The following CUX2 variants were observed in gnomAD, a reference collection of about 807,000 sequenced individuals.
CUX2 encodes the protein homeobox protein cut-like 2.
Under a neutral mutation model 144.8 loss-of-function variants are expected in CUX2, and 40 were observed. The observed-to-expected ratio is 0.28, with a 90% CI of 0.21 to 0.36. CUX2 has a LOEUF of 0.36. CUX2 is among the 10% of genes least tolerant of loss of function. CUX2 has a pLI of 1.00. For missense variants in CUX2, 1,615 were observed against 1,994.0 expected (o/e 0.81, Z 3.62); for synonymous variants, 827 against 875.6 (o/e 0.94, Z 0.98).
rs77168455 is a variant in CUX2, at chr12:111,144,256, T to C, written c.64-69944T>C. The stretch of plus-strand genomic sequence containing the variant: ...CAATTATTGACTCACTGGTTTCCCA[T>C]TGGGCATGAGAGGCTTAACTGAGCA... On this transcript the variant is annotated intron_variant, in intron 1 of 21. Coordinates refer to ENST00000261726, the MANE Select transcript of CUX2 (RefSeq NM_015267.4). 2.3e-3 allele frequency among the ~76,000 whole-genome samples: 345 copies of C among 152,348 alleles called. 10 individuals carry two copies. The South Asian group carries it at 0.038, about 17-fold the overall frequency.
intron 1 of CUX2, among the ~76,000 whole-genome samples, chr12:111,040,738 C>A (rs981160343): frequency 1.3e-5 from 2 of 152,202 alleles, no homozygotes; most frequent in Admixed American, 6.5e-5. Flanking sequence ...ATGGGGCCAA[C>A]CTTTTTCTAT....
chr12:111,283,354 C>T (rs1019016555), intron 4 of CUX2, among the ~76,000 whole-genome samples: 1 of 152,138 alleles, frequency 6.6e-6, no homozygotes, highest in Non-Finnish European at 1.5e-5. Flanking sequence ...AGGACTACCC[C>T]CGCCGTGCTC....
At chr12:111,308,002 G>A (rs1886685333) in intron 12 of CUX2, among the ~76,000 whole-genome samples, 3 of 152,118 alleles carry the variant, frequency 2.0e-5, no homozygotes. Context: ...ACCATACAAG[G>A]GAACTTATTA....
At position 111,320,873 on chromosome 12, in the gene CUX2, A is replaced by C. The variant is rs1592964482; in HGVS notation, c.2766+98A>C. 1 of 1,292,856 alleles carries C rather than the reference A, an allele frequency of 7.7e-7. No individual in the cohort carries two copies. Among genetic ancestry groups the C allele is most frequent in the Non-Finnish European group, 1.0e-6 (1 of 991,346 alleles). 80.1% of individuals were successfully genotyped at this position (1,292,856 alleles called of 1,614,324 possible). A position where few individuals can be genotyped will look rare whatever the true frequency, so the allele number is the denominator to read the frequency against. The stretch of plus-strand genomic sequence containing the variant: ...CAGGCTGGCGGGACCCCAGGGGCCC[A>C]GGCCCTTCATTCCTGAGTCCTGCTG... On this transcript the variant is annotated intron_variant, in intron 17 of 21. Coordinates refer to ENST00000261726, the MANE Select transcript of CUX2 (RefSeq NM_015267.4). The surrounding 1 kb of genome is among the most constrained non-coding windows in gnomAD (Gnocchi z 8.1).
chr12:111,151,586 G>A (rs910466985), intron 1 of CUX2, among the ~76,000 whole-genome samples: 12 of 152,192 alleles, frequency 7.9e-5, no homozygotes, highest in Admixed American at 4.6e-4. Context: ...TACTGAATGC[G>A]TGGAGGGCAG....
In CUX2 at chr12:111,322,472, C is replaced by T. The variant is rs776796087; in HGVS notation, c.2818C>T (p.Pro940Ser). 1 of 1,593,956 alleles carries T rather than the reference C, an allele frequency of 6.3e-7. No homozygotes were observed. Among genetic ancestry groups the T allele is most frequent in the South Asian group, 1.1e-5 (1 of 87,650 alleles). ...SVSDMLSRPK[P>S]WSKLTQKGRE... ...GAGCGACATGCTGTCCCGGCCGAAG[C>T]CATGGAGCAAGCTGACGCAGAAGGG... is the stretch of plus-strand genomic sequence containing the variant. The change falls in exon 18 of 22, where the codon CCA (proline) becomes TCA (serine). Residue 940 changes from proline to serine, a missense_variant. By Grantham distance (74) the Pro-to-Ser change is moderately conservative (BLOSUM62 -1). Around this residue, in one of 12 missense-constraint regions of CUX2, gnomAD observed 17 missense variants for 68.7 expected, o/e 0.25. Coordinates refer to ENST00000261726, the MANE Select transcript of CUX2 (RefSeq NM_015267.4). The surrounding 1 kb of genome is among the most constrained non-coding windows in gnomAD (Gnocchi z 4.2).
intron 1 of CUX2, among the ~76,000 whole-genome samples, chr12:111,137,735 G>A (rs1233493973): frequency 1.3e-5 from 2 of 152,004 alleles, no homozygotes; most frequent in Admixed American, 6.6e-5. Flanking sequence ...AGCTGGCCTC[G>A]AACTTCTGGC....
At chr12:111,073,934 G>A (rs1871377343) in intron 1 of CUX2, among the ~76,000 whole-genome samples, 1 of 151,700 alleles carries the variant, frequency 6.6e-6, no homozygotes, top group Non-Finnish European at 1.5e-5. Flanking sequence ...CCAGCCTGGG[G>A]GACAGAGGGA....
intron 1 of CUX2, among the ~76,000 whole-genome samples, chr12:111,207,629 C>T (rs1450092499): frequency 6.6e-6 from 1 of 152,166 alleles, no homozygotes; most frequent in African/African-American, 2.4e-5. Context: ...ACCATCACTT[C>T]ACATACATAT....
intron 1 of CUX2, among the ~76,000 whole-genome samples, chr12:111,129,618 G>A (rs1566240906): frequency 6.6e-6 from 1 of 152,238 alleles, no homozygotes; most frequent in Non-Finnish European, 1.5e-5. Context: ...AGGCCAGATC[G>A]GCAAGTTGAG....
In CUX2 at chr12:111,310,142, C is replaced by A. The variant is rs1200663500; in HGVS notation, c.1360C>A (p.Pro454Thr). The A allele has an allele frequency of 6.5e-6, 10 of 1,534,086 alleles. No homozygotes were observed. Among genetic ancestry groups the A allele is most frequent in the Non-Finnish European group, 7.9e-6 (9 of 1,141,620 alleles). Reference protein sequence around the residue: ...QLPPPPGPEDPLSPSPGQPLL... With the variant: ...QLPPPPGPEDTLSPSPGQPLL... ...CCCACCTCCACCAGGGCCAGAAGAC[C>A]CCCTGTCTCCCAGCCCCGGGCAGCC... The change falls in exon 15 of 22, where the codon CCC becomes ACC. Residue 454 changes from proline to threonine, a missense_variant. Physicochemically the swap from Pro to Thr is conservative, Grantham distance 38 (BLOSUM62 -1). Coordinates refer to ENST00000261726, the MANE Select transcript of CUX2 (RefSeq NM_015267.4). This position sits in a 1 kb window ranked among gnomAD's most constrained non-coding sequence, Gnocchi z 7.9.
chr12:111,042,777 G>A (rs1869812637), intron 1 of CUX2, among the ~76,000 whole-genome samples: 2 of 150,012 alleles, frequency 1.3e-5, no homozygotes, highest in Non-Finnish European at 3.0e-5. Flanking sequence ...GATTATAGGT[G>A]CACCGCCACC....
chr12:111,113,953 G>A (rs960648682), intron 1 of CUX2, among the ~76,000 whole-genome samples: 1 of 152,182 alleles, frequency 6.6e-6, no homozygotes, highest in African/African-American at 2.4e-5. Context: ...GTGTTCCATT[G>A]TGTGGTCATA....
At chr12:111,238,133 A>G (rs1400507889) in intron 3 of CUX2, among the ~76,000 whole-genome samples, 3 of 152,132 alleles carry the variant, frequency 2.0e-5, no homozygotes, top group African/African-American at 7.2e-5. Flanking sequence ...TTCATGACTT[A>G]CCCAAATTCA....
In CUX2 at chr12:111,050,421, TTCTG is replaced by T. The variant is rs148067116; in HGVS notation, c.63+16185_63+16188del. Among the ~76,000 whole-genome samples the T allele has an allele frequency of 6.9e-3, 1,049 of 152,326 alleles. 6 individuals carry two copies. The highest frequency in any genetic ancestry group is 0.024 in the African/African-American group (991 of 41,562). ...CTCTGTACAATAGCCTTCTTGACAT[TTCTG>T]TCTTTCTTTTTAAGCCACTTTATTT... On this transcript the variant is annotated intron_variant, in intron 1 of 21. Transcript: ENST00000261726.
intron 1 of CUX2, among the ~76,000 whole-genome samples, chr12:111,048,350 C>A (rs1349172982): frequency 6.6e-6 from 1 of 152,164 alleles, no homozygotes; most frequent in Non-Finnish European, 1.5e-5. Flanking sequence ...TGGCAGGAAG[C>A]CTTTGGGCAC....
intron 1 of CUX2, among the ~76,000 whole-genome samples, chr12:111,150,971 C>G (rs948898395): frequency 5.9e-5 from 9 of 152,278 alleles, no homozygotes; most frequent in Admixed American, 6.5e-5. Context: ...GCATCTCAAA[C>G]GTTTTAAAGT....
At chr12:111,099,502 A>G in intron 1 of CUX2, 1 of 455,010 alleles carries the variant, frequency 2.2e-6, no homozygotes, top group Non-Finnish European at 4.4e-6. Context: ...TCGGGTTTGC[A>G]GGCAGGGCAA....
chr12:111,277,771 C>T lies in CUX2; in HGVS notation c.302-13647C>T, dbSNP rs902113705. On this transcript the variant is annotated intron_variant, in intron 4 of 21. Transcript: ENST00000261726. This position sits in a 1 kb window ranked among gnomAD's most constrained non-coding sequence, Gnocchi z 5.0. ...ACGTAGTGGACTGGTGGCTAAATGA[C>T]GACTGCATTAGGGACTCTTAGTCAC... Among the ~76,000 whole-genome samples, 3 of 152,150 alleles carry T rather than the reference C, an allele frequency of 2.0e-5. No homozygotes were observed. The highest frequency in any genetic ancestry group is 4.8e-5 in the African/African-American group (2 of 41,416).
Sources: allele counts gnomAD v4.1 joint callset (sites outside exome capture counted in the v4.1 genomes callset), GRCh38; gene constraint gnomAD v4.1.1; regional missense constraint gnomAD v4.1.1; non-coding constraint Gnocchi (gnomAD v3.1); transcripts MANE v1.5; gene names NCBI Gene and HGNC (gene_info 2026-07-23, HGNC 2026-07-21).